ASAH2: variants seen among roughly 807,000 people sequenced by gnomAD.
The protein encoded by ASAH2 is neutral ceramidase.
ASAH2 carries 58 observed loss-of-function variants against 82.9 expected under a neutral mutation model. The observed-to-expected ratio is 0.70, with a 90% CI of 0.57 to 0.87. ASAH2 has a LOEUF of 0.87. Ranked by LOEUF, ASAH2 falls within the 40% of genes least tolerant of loss-of-function variation. The probability of loss-of-function intolerance (pLI) is 0.00; values close to 1 mark genes in which losing one functional copy is unlikely to be tolerated. For missense variants in ASAH2, 779 were observed against 834.0 expected, an observed-to-expected ratio of 0.93 and a Z score of 0.81; for synonymous variants, 276 against 289.7, an observed-to-expected ratio of 0.95 and a Z score of 0.48.
intron 6 of ASAH2, 110 bp from the exon 7 acceptor site, chr10:50,233,371 G>A: frequency 1.3e-6 from 1 of 768,532 alleles, no homozygotes; most frequent in Non-Finnish European, 2.4e-6. Context: ...CAGTAAGTGA[G>A]ATGTCTTGAC....
At chr10:50,221,357 T>C (rs929723889) in intron 7 of ASAH2, among the ~76,000 whole-genome samples, 6 of 152,140 alleles carry the variant, frequency 3.9e-5, no homozygotes, top group Non-Finnish European at 5.9e-5. Context: ...TCTGATACCA[T>C]CACACTGAGG....
Position 50,237,175 on chromosome 10 carries a change from G to A in ASAH2, c.511-1111C>T, listed in dbSNP as rs1022037770. Among the ~76,000 whole-genome samples, 1,920 of 152,240 alleles carry A rather than the reference G, an allele frequency of 0.013. 131 individuals are homozygous for A. The East Asian group carries it at 0.21, about 17-fold the overall frequency. ...ACTGCAAAGGTTTTAAGCTACTCTA[G>A]TACCTCATTTCCCAAATGAAGAATT... On this transcript the variant is annotated intron_variant, in intron 4 of 20. Transcript: ENST00000682911.
intron 8 of ASAH2, 90 bp from the exon 9 acceptor site, chr10:50,214,958 C>A (rs2133209844): frequency 6.7e-7 from 1 of 1,498,724 alleles, no homozygotes; most frequent in Non-Finnish European, 9.1e-7. Context: ...TCCACTCTGG[C>A]AAACTATTCA....
In ASAH2 at chr10:50,214,862, A is replaced by G. The variant is rs1845554350; in HGVS notation, c.1021T>C (p.Phe341Leu). Reference sequence around the variant, plus strand: ...TTTGATGAAGCAAAGGCTGCTACAAATGGCCCCTGCCAAAAGAAATGCCAA... The same window carrying G: ...TTTGATGAAGCAAAGGCTGCTACAAGTGGCCCCTGCCAAAAGAAATGCCAA... ...NKGYLPGQGPFVAAFASSNLG... is the reference protein window; with the variant it reads ...NKGYLPGQGPLVAAFASSNLG... Residue 341 changes from phenylalanine (F) to leucine (L), a missense_variant, in exon 9 of 21, where the codon TTT (phenylalanine) becomes CTT (leucine). By Grantham distance (22) the Phe-to-Leu change is conservative. This residue lies in a region of ASAH2 where 759 missense variants were observed against 755.2 expected (regional missense o/e 1.00). Coordinates refer to ENST00000682911, the MANE Select transcript of ASAH2 (RefSeq NM_019893.4). The G allele has an allele frequency of 1.2e-6, 2 of 1,613,440 alleles. No individual in the cohort carries two copies. The highest frequency in any genetic ancestry group is 1.7e-6 in the Non-Finnish European group (2 of 1,179,634).
chr10:50,245,126 A>T, intron 3 of ASAH2, 96 bp downstream of exon 3: 1 of 1,054,622 alleles, frequency 9.5e-7, no homozygotes, highest in Non-Finnish European at 1.4e-6. Flanking sequence ...AAAAGAAGAT[A>T]ATGATGATGT....
chr10:50,214,968 A>G lies in ASAH2; in HGVS notation c.1015-100T>C. The G allele has an allele frequency of 3.5e-6, 5 of 1,449,256 alleles. No homozygotes were observed. The South Asian group carries it at 3.8e-5, about 11-fold the overall frequency. 89.8% of individuals were successfully genotyped at this position (1,449,256 alleles called of 1,614,324 possible). A position where few individuals can be genotyped will look rare whatever the true frequency, so the allele number is the denominator to read the frequency against. On this transcript the variant is annotated intron_variant, in intron 8 of 20. Coordinates refer to ENST00000682911, the MANE Select transcript of ASAH2 (RefSeq NM_019893.4). ...TTAAATCCACTCTGGCAAACTATTC[A>G]AAATCATTTGCAGGCAATAAAAAGA...
chr10:50,216,056 C>T (rs1340714991), intron 8 of ASAH2, among the ~76,000 whole-genome samples: 2 of 148,554 alleles, frequency 1.3e-5, no homozygotes, highest in Non-Finnish European at 3.0e-5. Flanking sequence ...CAAACTAACA[C>T]AAGAACAGAA....
At chr10:50,245,492 G>A (rs774285066) in intron 2 of ASAH2, 38 bp from the exon 3 acceptor site, 44 of 1,553,958 alleles carry the variant, frequency 2.8e-5, no homozygotes, top group Non-Finnish European at 3.6e-5. Context: ...CAACATTTCA[G>A]CCCTCTTATT....
At chr10:50,236,142 A>T (rs1846154501) in intron 4 of ASAH2, 78 bp from the exon 5 acceptor site, 1 of 1,255,928 alleles carries the variant, frequency 8.0e-7, no homozygotes, top group African/African-American at 1.5e-5. Flanking sequence ...TGATGAGTTC[A>T]ATCACTGATC....
chr10:50,248,402 G>C lies in ASAH2; in HGVS notation c.127+82C>G, dbSNP rs1455081018. 1.0e-5 allele frequency: 16 copies of C among 1,525,334 alleles called. No individual in the cohort carries two copies. In the East Asian group the frequency reaches 1.6e-4, roughly 15 times the overall value. 94.5% of individuals were successfully genotyped at this position (1,525,334 alleles called of 1,614,324 possible). On this transcript the variant is annotated intron_variant, in intron 2 of 20. Coordinates refer to ENST00000682911, the MANE Select transcript of ASAH2 (RefSeq NM_019893.4). ...ACACGTAGAACTATCAGCAGACACT[G>C]TTTTTCTCTTTGGTGTCCACAGTAA...
intron 4 of ASAH2, among the ~76,000 whole-genome samples, chr10:50,241,352 A>G (rs1324025076): frequency 6.6e-6 from 1 of 152,196 alleles, no homozygotes; most frequent in East Asian, 1.9e-4. Flanking sequence ...TCCTTTGGTT[A>G]ATTATAGCTA....
Position 50,245,445 on chromosome 10 carries a change from C to A in ASAH2, c.137G>T (p.Gly46Val), listed in dbSNP as rs765745051. The A allele has an allele frequency of 5.0e-6, 8 of 1,612,288 alleles. No homozygotes were observed. In the Admixed American group the frequency reaches 6.7e-5, roughly 13 times the overall value. ...GTIENHKDLG[G>V]HFFSTTQSPP... is the part of the protein sequence containing the mutation. ...GCTTTGGGTGGTTGAAAAAAAATGGCCTCCTAAATCTAAAACAGAATAAGA... is the reference window on the plus strand; with the variant it reads ...GCTTTGGGTGGTTGAAAAAAAATGGACTCCTAAATCTAAAACAGAATAAGA... The change falls in exon 3 of 21, where the codon GGC becomes GTC. Residue 46 changes from glycine to valine, a missense_variant. Around this residue, in one of 3 missense-constraint regions of ASAH2, gnomAD observed 759 missense variants for 755.2 expected, o/e 1.00. Coordinates refer to ENST00000682911, the MANE Select transcript of ASAH2 (RefSeq NM_019893.4).
intron 4 of ASAH2, 46 bp from the exon 5 acceptor site, chr10:50,236,110 A>C: frequency 6.4e-7 from 1 of 1,558,440 alleles, no homozygotes; most frequent in East Asian, 2.2e-5. Flanking sequence ...ATAACATAGG[A>C]GCTCAACATG....
At chr10:50,213,992 A>G (rs1463898285) in intron 9 of ASAH2, among the ~76,000 whole-genome samples, 2 of 152,216 alleles carry the variant, frequency 1.3e-5, no homozygotes, top group Non-Finnish European at 2.9e-5. Flanking sequence ...AGTTGAAAAC[A>G]AAGCTAAATG....
chr10:50,221,727 GATA>G (rs1845755770), intron 7 of ASAH2, among the ~76,000 whole-genome samples: 1 of 148,402 alleles, frequency 6.7e-6, no homozygotes, highest in Non-Finnish European at 1.5e-5. Flanking sequence ...TAGATAGATA[GATA>G]GATACAGATA....
chr10:50,241,158 C>T (rs2133230469), intron 4 of ASAH2, among the ~76,000 whole-genome samples: 1 of 152,300 alleles, frequency 6.6e-6, no homozygotes, highest in Non-Finnish European at 1.5e-5. Context: ...CTGGGTCAAG[C>T]TTTCAGATGA....
intron 5 of ASAH2, among the ~76,000 whole-genome samples, chr10:50,235,483 G>A (rs1362233379): frequency 1.3e-5 from 2 of 152,198 alleles, no homozygotes; most frequent in African/African-American, 4.8e-5. Flanking sequence ...GTGTTTATAA[G>A]TTGGATTCTC....
At chr10:50,227,926 G>C (rs1268679952) in intron 7 of ASAH2, among the ~76,000 whole-genome samples, 1 of 152,126 alleles carries the variant, frequency 6.6e-6, no homozygotes, top group African/African-American at 2.4e-5. Context: ...CTCCACTGAA[G>C]AAGAATACAG....
intron 11 of ASAH2, 34 bp from the exon 12 acceptor site, chr10:50,210,938 GA>G: frequency 6.2e-7 from 1 of 1,608,688 alleles, no homozygotes; most frequent in Non-Finnish European, 8.5e-7. Context: ...AAACAAAAAT[GA>G]AAAAGACAAA....
Sources: gnomAD v4.1 joint callset for allele counts (sites outside exome capture counted in the v4.1 genomes callset) on GRCh38, gnomAD v4.1.1 for gene constraint, gnomAD v4.1.1 regional missense constraint, MANE v1.5 for transcripts, NCBI Gene and HGNC (gene_info 2026-07-23, HGNC 2026-07-21) for gene names.